The following ARMC3 variants were observed in gnomAD, a reference collection of about 807,000 sequenced individuals.
ARMC3 encodes the protein armadillo repeat-containing protein 3.
ARMC3 carries 74 observed loss-of-function variants against 90.3 expected under a neutral mutation model. That is an observed-to-expected ratio of 0.82 (90% CI 0.68 to 0.99). The LOEUF (loss-of-function observed/expected upper bound fraction) is 0.99. Ranked by LOEUF, ARMC3 falls within the 50% of genes least tolerant of loss-of-function variation. ARMC3 has a pLI of 0.00. For synonymous variants in ARMC3, 334 were observed against 361.8 expected (o/e 0.92, Z 0.87); for missense variants, 958 against 1,042.8 (o/e 0.92, Z 1.12).
chr10:22,954,681 A>T (rs1834858948), intron 3 of ARMC3, among the ~76,000 whole-genome samples: 1 of 151,748 alleles, frequency 6.6e-6, no homozygotes, highest in Non-Finnish European at 1.5e-5. Flanking sequence ...CAAGAAAAAA[A>T]AAAAAAAGAA....
At chr10:23,010,033 C>A (rs2131474886) in intron 16 of ARMC3, among the ~76,000 whole-genome samples, 1 of 152,180 alleles carries the variant, frequency 6.6e-6, no homozygotes, top group East Asian at 1.9e-4. Context: ...CTCTGGCTTT[C>A]TTCTCTGTTG....
chr10:22,977,350 A>G (rs749193217), intron 8 of ARMC3, among the ~76,000 whole-genome samples: 19 of 152,174 alleles, frequency 1.2e-4, no homozygotes, highest in Non-Finnish European at 1.9e-4. Context: ...TGTTCCCACT[A>G]TGGTAGATTA....
intron 16 of ARMC3, among the ~76,000 whole-genome samples, chr10:23,022,302 C>G (rs998470185): frequency 1.3e-5 from 2 of 152,196 alleles, no homozygotes; most frequent in African/African-American, 4.8e-5. Flanking sequence ...ACATTTTTCT[C>G]TCTTGAATTA....
At chr10:22,929,345 A>G (rs1041820587) in intron 1 of ARMC3, among the ~76,000 whole-genome samples, 19 of 147,384 alleles carry the variant, frequency 1.3e-4, no homozygotes, top group Non-Finnish European at 2.2e-4. Flanking sequence ...GGAAAGGAAA[A>G]GAAAAGAAAT....
At chr10:23,020,712 T>G (rs1838475310) in intron 16 of ARMC3, among the ~76,000 whole-genome samples, 1 of 152,228 alleles carries the variant, frequency 6.6e-6, no homozygotes. Context: ...CATTTTTTCA[T>G]GTGCTTATTT....
At chr10:23,000,499 AT>A (rs1837230003) in intron 11 of ARMC3, among the ~76,000 whole-genome samples, 1 of 152,106 alleles carries the variant, frequency 6.6e-6, no homozygotes, top group Non-Finnish European at 1.5e-5. Flanking sequence ...GGGAACTGAG[AT>A]TTTTCATCCC....
intron 10 of ARMC3, among the ~76,000 whole-genome samples, chr10:22,997,766 A>G (rs1006439527): frequency 1.3e-5 from 2 of 152,196 alleles, no homozygotes; most frequent in Non-Finnish European, 2.9e-5. Flanking sequence ...TGGTTCATGT[A>G]TGAAATCACA....
At chr10:22,964,150 T>C (rs936813876) in intron 7 of ARMC3, among the ~76,000 whole-genome samples, 2 of 152,018 alleles carry the variant, frequency 1.3e-5, no homozygotes, top group African/African-American at 2.4e-5. Context: ...AAAAGTACAA[T>C]TGAACTTATA....
At chr10:22,977,241 T>A (rs1835968379) in intron 8 of ARMC3, among the ~76,000 whole-genome samples, 1 of 152,188 alleles carries the variant, frequency 6.6e-6, no homozygotes, top group African/African-American at 2.4e-5. Context: ...TCTCTTTCTG[T>A]CCTTAAGAAA....
At chr10:23,030,942 G>A in intron 17 of ARMC3, 146 bp downstream of exon 17, 2 of 893,310 alleles carry the variant, frequency 2.2e-6, no homozygotes, top group Non-Finnish European at 3.3e-6. Flanking sequence ...CAATGAATTG[G>A]AAAAGTCCTC....
At chr10:23,035,440 A>AT (rs1294498725) in intron 18 of ARMC3, among the ~76,000 whole-genome samples, 1 of 152,168 alleles carries the variant, frequency 6.6e-6, no homozygotes, top group Non-Finnish European at 1.5e-5. Context: ...GAGTCATGCA[A>AT]TTAATTACCC....
intron 16 of ARMC3, among the ~76,000 whole-genome samples, chr10:23,010,889 C>A (rs1324985489): frequency 2.3e-5 from 1 of 42,704 alleles, no homozygotes; most frequent in African/African-American, 6.0e-5. Context: ...CCTTTCCCTC[C>A]CACTCCTTCC....
At chr10:22,955,399 A>T (rs1834892423) in intron 3 of ARMC3, 1 of 161,216 alleles carries the variant, frequency 6.2e-6, no homozygotes, top group African/African-American at 2.4e-5. Context: ...GGTATGAGAA[A>T]ATAGGGCAGA....
chr10:22,962,107 A>G (rs1372518818), intron 7 of ARMC3, 29 bp downstream of exon 7: 1 of 1,435,080 alleles, frequency 7.0e-7, no homozygotes, highest in Non-Finnish European at 9.3e-7. Context: ...TCCACCCTCT[A>G]TGAGGAAATG....
chr10:23,007,904 G>A (rs1443162571), intron 14 of ARMC3, among the ~76,000 whole-genome samples: 3 of 152,112 alleles, frequency 2.0e-5, no homozygotes, highest in Non-Finnish European at 4.4e-5. Flanking sequence ...AGGAGTTTGA[G>A]AGCAGCTTGG....
At chr10:23,003,887 C>A (rs1837447373) in intron 13 of ARMC3, among the ~76,000 whole-genome samples, 1 of 152,050 alleles carries the variant, frequency 6.6e-6, no homozygotes, top group Admixed American at 6.5e-5. Flanking sequence ...ACAGCTCATG[C>A]CTGTAATCCC....
Position 22,977,562 on chromosome 10 carries a change from C to T in ARMC3, c.917-3778C>T, listed in dbSNP as rs189847371. 3.2e-3 allele frequency among the ~76,000 whole-genome samples: 493 copies of T among 152,318 alleles called. 3 individuals are homozygous for T. The highest frequency in any genetic ancestry group is 6.8e-3 in the Middle Eastern group (2 of 294). On this transcript the variant is annotated intron_variant, in intron 8 of 18. Coordinates refer to ENST00000298032, the MANE Select transcript of ARMC3 (RefSeq NM_173081.5). Reference sequence around the variant, plus strand: ...CAGGTTTCCTCTATTACTGTGCAAACTTCCATTTTATAATTCAACTTATTC... The same window carrying T: ...CAGGTTTCCTCTATTACTGTGCAAATTTCCATTTTATAATTCAACTTATTC...
chr10:22,966,087 T>C (rs984648981), intron 7 of ARMC3, among the ~76,000 whole-genome samples: 1 of 152,236 alleles, frequency 6.6e-6, no homozygotes, highest in Non-Finnish European at 1.5e-5. Context: ...CTGAGGATTG[T>C]GGCTATTTTG....
intron 8 of ARMC3, among the ~76,000 whole-genome samples, chr10:22,971,689 A>G (rs1158186124): frequency 6.6e-6 from 1 of 151,660 alleles, no homozygotes; most frequent in South Asian, 2.1e-4. Context: ...AATCTTCCCA[A>G]CTCAGCCTCT....
Sources: allele counts gnomAD v4.1 joint callset (sites outside exome capture counted in the v4.1 genomes callset), GRCh38; gene constraint gnomAD v4.1.1; transcripts MANE v1.5; gene names NCBI Gene and HGNC (gene_info 2026-07-23, HGNC 2026-07-21).